Variants in SLC45A4 observed in about 807,000 individuals in gnomAD.
The protein encoded by SLC45A4 is solute carrier family 45 member 4.
A neutral mutation model predicts 63.7 loss-of-function variants in SLC45A4; 32 were observed. The ratio of observed to expected loss-of-function variants is 0.50; its 90% CI spans 0.38 to 0.67. SLC45A4 has a LOEUF of 0.67. Ranked by LOEUF, SLC45A4 falls within the 30% of genes least tolerant of loss-of-function variation. The pLI is 0.00. For missense variants in SLC45A4, 1,027 were observed against 1,157.7 expected (o/e 0.89, Z 1.64); for synonymous variants, 535 against 510.0 (o/e 1.05, Z -0.66).
rs893616539 is a variant in SLC45A4, at chr8:141,211,622, A to G, written c.2377T>C (p.Tyr793His). Residue 793 changes from tyrosine to histidine, a missense_variant, in exon 9 of 9, where the codon TAT becomes CAT. Physicochemically the swap from Tyr to His is moderately conservative, Grantham distance 83 (BLOSUM62 2). Coordinates refer to ENST00000517878, the MANE Select transcript of SLC45A4 (RefSeq NM_001286646.2). ...VPQLLESIFL[Y>H]DYFRKKIFFS... ...AAAATTTTTTTTCTAAAATAATCAT[A>G]AAGAAAAATACTCTCCAACAGCTGC... The G allele has an allele frequency of 3.1e-6, 5 of 1,612,436 alleles. No individual in the cohort carries two copies. Among genetic ancestry groups the G allele is most frequent in the Non-Finnish European group, 4.2e-6 (5 of 1,179,664 alleles).
At chr8:141,276,569 C>T (rs1050563121) in intron 1 of SLC45A4, among the ~76,000 whole-genome samples, 2 of 152,242 alleles carry the variant, frequency 1.3e-5, no homozygotes, top group African/African-American at 4.8e-5. Context: ...AACCTAGGTG[C>T]TACTCATTCC....
At chr8:141,270,586 G>A (rs1448493611) in intron 1 of SLC45A4, among the ~76,000 whole-genome samples, 13 of 152,058 alleles carry the variant, frequency 8.5e-5, no homozygotes, top group African/African-American at 2.7e-4. Flanking sequence ...TGGGAGAACC[G>A]CTTGAGGCCA....
rs1384792982 is a variant in SLC45A4, at chr8:141,245,152, C to T, written c.241+8837G>A. Among the ~76,000 whole-genome samples the T allele has an allele frequency of 2.0e-5, 3 of 152,168 alleles. No homozygotes were observed. The East Asian group carries it at 5.8e-4, about 29-fold the overall frequency. On this transcript the variant is annotated intron_variant, in intron 2 of 8. Transcript: ENST00000517878. Reference sequence around the variant, plus strand: ...AGTAATAACAGCTAACAATTACAGGCTCTGTTCTAAGCACATCATATGTGT... The same window carrying T: ...AGTAATAACAGCTAACAATTACAGGTTCTGTTCTAAGCACATCATATGTGT...
intron 1 of SLC45A4, among the ~76,000 whole-genome samples, chr8:141,281,540 G>C (rs1829946228): frequency 1.3e-5 from 2 of 152,192 alleles, no homozygotes; most frequent in Non-Finnish European, 2.9e-5. Flanking sequence ...GGCAGCACGT[G>C]GCCCCTCGAC....
rs1827195717 is a variant in SLC45A4 at position 141,229,025 on chromosome 8, T to A, written c.242-7260A>T. On this transcript the variant is annotated intron_variant, in intron 2 of 8. Transcript: ENST00000517878. This position sits in a 1 kb window ranked among gnomAD's most constrained non-coding sequence, Gnocchi z 5.0. ...TGCACATCCCCGCCGTACACTTGTC[T>A]CCCCATCGGCTCCTCCCGCCCATGG... Among the ~76,000 whole-genome samples, 1 of 152,020 alleles carries A rather than the reference T, an allele frequency of 6.6e-6. No homozygotes were observed. Among genetic ancestry groups the A allele is most frequent in the South Asian group, 2.1e-4 (1 of 4,822 alleles).
At position 141,254,081 on chromosome 8, in the gene SLC45A4, C is replaced by T. The variant is rs780839269; in HGVS notation, c.149G>A (p.Arg50His). Reference sequence around the variant, plus strand: ...CACCGCCCCGTGCATCACCCACAGGCGCATGGGGATTCGGTCTATGGACCC... The same window carrying T: ...CACCGCCCCGTGCATCACCCACAGGTGCATGGGGATTCGGTCTATGGACCC... ...SEGSIDRIPM[R>H]LWVMHGAVMF... Residue 50 changes from arginine (R) to histidine (H), a missense_variant, in exon 2 of 9, where the codon CGC (arginine) becomes CAC (histidine). Arg to His is a conservative substitution (Grantham distance 29). Transcript: ENST00000517878. The surrounding 1 kb of genome is among the most constrained non-coding windows in gnomAD (Gnocchi z 4.5). 2.6e-5 allele frequency: 40 copies of T among 1,536,060 alleles called. No individual in the cohort carries two copies. In the Admixed American group the frequency reaches 2.9e-4, roughly 11 times the overall value.
chr8:141,230,879 C>A (rs960525693), intron 2 of SLC45A4, among the ~76,000 whole-genome samples: 1 of 152,226 alleles, frequency 6.6e-6, no homozygotes, highest in African/African-American at 2.4e-5. Flanking sequence ...ACGGCCCCAA[C>A]GACGCGGAAC....
At chr8:141,283,210 T>C (rs1431762730) in intron 1 of SLC45A4, among the ~76,000 whole-genome samples, 2 of 152,224 alleles carry the variant, frequency 1.3e-5, no homozygotes, top group Non-Finnish European at 2.9e-5. Flanking sequence ...ATACGGAACC[T>C]CTGAAGCATG....
rs575192443 is a variant in SLC45A4 at position 141,254,105 on chromosome 8, C to A, written c.125G>T (p.Gly42Val). Residue 42 changes from glycine (G) to valine (V), a missense_variant, in exon 2 of 9, where the codon GGG (glycine) becomes GTG (valine). Physicochemically the swap from Gly to Val is moderately radical, Grantham distance 109. Coordinates refer to ENST00000517878, the MANE Select transcript of SLC45A4 (RefSeq NM_001286646.2). This position sits in a 1 kb window ranked among gnomAD's most constrained non-coding sequence, Gnocchi z 4.5. ...EAENCETISE[G>V]SIDRIPMRLW... The stretch of plus-strand genomic sequence containing the variant: ...GCGCATGGGGATTCGGTCTATGGAC[C>A]CCTCGCTGATGGTCTCGCAGTTCTC... 1 of 1,536,174 alleles carries A rather than the reference C, an allele frequency of 6.5e-7. No homozygotes were observed. The highest frequency in any genetic ancestry group is 8.7e-7 in the Non-Finnish European group (1 of 1,146,914).
chr8:141,254,597 C>A lies in SLC45A4; in HGVS notation c.-368G>T. 1.4e-6 allele frequency: 1 copy of A among 701,936 alleles called. No individual in the cohort carries two copies. The highest frequency in any genetic ancestry group is 1.5e-5 in the South Asian group (1 of 67,514). 43.5% of individuals were successfully genotyped at this position (701,936 alleles called of 1,614,324 possible). ...TGGGAAGGTGATACAAACAGGTGGT[C>A]CGCTGGTAATCCCCATCGAGTGACT... On this transcript the variant is annotated 5_prime_UTR_variant, in exon 2 of 9. Coordinates refer to ENST00000517878, the MANE Select transcript of SLC45A4 (RefSeq NM_001286646.2). This position sits in a 1 kb window ranked among gnomAD's most constrained non-coding sequence, Gnocchi z 4.5.
At chr8:141,300,028 C>T (rs1830690990) in intron 1 of SLC45A4, among the ~76,000 whole-genome samples, 1 of 152,162 alleles carries the variant, frequency 6.6e-6, no homozygotes, top group African/African-American at 2.4e-5. Context: ...CTCTTCTCCT[C>T]ACCCATCCCT....
In SLC45A4 at chr8:141,229,223, C is replaced by G. The variant is rs902981088; in HGVS notation, c.242-7458G>C. The stretch of plus-strand genomic sequence containing the variant: ...TCCTCCCTCATCCTCCGTAACCCAC[C>G]CGCCACCTGCAGTCAGAGTGACCAC... On this transcript the variant is annotated intron_variant, in intron 2 of 8. Transcript: ENST00000517878. This position sits in a 1 kb window ranked among gnomAD's most constrained non-coding sequence, Gnocchi z 5.0. Among the ~76,000 whole-genome samples, 1 of 152,078 alleles carries G rather than the reference C, an allele frequency of 6.6e-6. No homozygotes were observed. The highest frequency in any genetic ancestry group is 6.5e-5 in the Admixed American group (1 of 15,276).
intron 1 of SLC45A4, among the ~76,000 whole-genome samples, chr8:141,261,868 A>G (rs1335293098): frequency 6.6e-6 from 1 of 152,210 alleles, no homozygotes; most frequent in African/African-American, 2.4e-5. Context: ...AACTGGAAAA[A>G]ACTACTTTAA....
intron 7 of SLC45A4, among the ~76,000 whole-genome samples, chr8:141,214,446 G>A (rs1826017299): frequency 6.6e-6 from 1 of 152,134 alleles, no homozygotes; most frequent in Non-Finnish European, 1.5e-5. Context: ...TAATAGAAGG[G>A]CATGTCACAC....
Position 141,211,406 on chromosome 8 carries a change from T to G in SLC45A4, c.*166A>C. The stretch of plus-strand genomic sequence containing the variant: ...CCGCCCCCAGGTGGTGCCCAGCCCA[T>G]CCCTGGGCAGGGTGTCTGGGAGCCA... On this transcript the variant is annotated 3_prime_UTR_variant, in exon 9 of 9. Transcript: ENST00000517878. 6.5e-7 allele frequency: 1 copy of G among 1,538,308 alleles called. No individual in the cohort carries two copies. Among genetic ancestry groups the G allele is most frequent in the Non-Finnish European group, 8.7e-7 (1 of 1,144,292 alleles).
In SLC45A4 at chr8:141,254,804, T is replaced by C. The variant is rs1421655847; in HGVS notation, c.-400-175A>G. On this transcript the variant is annotated intron_variant, in intron 1 of 8. Coordinates refer to ENST00000517878, the MANE Select transcript of SLC45A4 (RefSeq NM_001286646.2). This position sits in a 1 kb window ranked among gnomAD's most constrained non-coding sequence, Gnocchi z 4.5. ...TGTGCAAATAACCAAACCTACTTTC[T>C]AGAAAAACATTTTCTCATACGAAAG... 1 of 578,832 alleles carries C rather than the reference T, an allele frequency of 1.7e-6. No individual in the cohort carries two copies. Among genetic ancestry groups the C allele is most frequent in the Non-Finnish European group, 3.2e-6 (1 of 308,166 alleles). 35.9% of individuals were successfully genotyped at this position (578,832 alleles called of 1,614,324 possible). A position where few individuals can be genotyped will look rare whatever the true frequency, so the allele number is the denominator to read the frequency against.
At chr8:141,281,373 A>G (rs1829934551) in intron 1 of SLC45A4, among the ~76,000 whole-genome samples, 1 of 152,228 alleles carries the variant, frequency 6.6e-6, no homozygotes, top group Admixed American at 6.5e-5. Context: ...AGTCTCCTAC[A>G]GTAGCTGTGA....
At chr8:141,252,973 G>A (rs1261710408) in intron 2 of SLC45A4, among the ~76,000 whole-genome samples, 4 of 150,914 alleles carry the variant, frequency 2.7e-5, no homozygotes, top group African/African-American at 4.9e-5. Context: ...GTGCGTGTCC[G>A]CGAATTTCCG....
At chr8:141,279,778 G>C (rs1486772973) in intron 1 of SLC45A4, among the ~76,000 whole-genome samples, 1 of 152,208 alleles carries the variant, frequency 6.6e-6, no homozygotes, top group Admixed American at 6.5e-5. Context: ...AAAAACTAAC[G>C]GCAGAATTAA....
Sources: gnomAD v4.1 joint callset for allele counts (sites outside exome capture counted in the v4.1 genomes callset) on GRCh38, gnomAD v4.1.1 for gene constraint, Gnocchi (gnomAD v3.1) non-coding constraint, MANE v1.5 for transcripts, NCBI Gene and HGNC (gene_info 2026-07-23, HGNC 2026-07-21) for gene names.